Variants in CNGB1 observed in about 807,000 individuals in gnomAD.
The protein encoded by CNGB1 is cyclic nucleotide gated channel subunit beta 1.
In CNGB1, 126 loss-of-function variants were observed where a neutral mutation model predicts 151.7. The observed-to-expected ratio is 0.83, with a 90% CI of 0.72 to 0.96. The LOEUF is 0.96. Ranked by LOEUF, CNGB1 falls within the 40% of genes least tolerant of loss-of-function variation. CNGB1 has a pLI of 0.00. For missense variants in CNGB1, 1,698 were observed against 1,627.0 expected (o/e 1.04, Z -0.75); for synonymous variants, 623 against 635.1 (o/e 0.98, Z 0.29).
At chr16:57,949,535 C>T in intron 13 of CNGB1, 96 bp from the exon 14 acceptor site, 1 of 1,591,184 alleles carries the variant, frequency 6.3e-7, no homozygotes, top group Non-Finnish European at 8.5e-7. Flanking sequence ...CCCATGACAC[C>T]TGAGCCCAGA....
At chr16:57,950,357 T>C in intron 13 of CNGB1, 24 bp downstream of exon 13, 1 of 1,613,926 alleles carries the variant, frequency 6.2e-7, no homozygotes, top group South Asian at 1.1e-5. Context: ...AACTAATCTT[T>C]TAGGGTCTTC....
chr16:57,958,846 C>T (rs1245257949), intron 10 of CNGB1, among the ~76,000 whole-genome samples: 1 of 151,482 alleles, frequency 6.6e-6, no homozygotes, highest in Non-Finnish European at 1.5e-5. Flanking sequence ...GTGGCCCAGG[C>T]TGATGTGATC....
At chr16:57,885,175 C>T (rs1296354507) in intron 32 of CNGB1, among the ~76,000 whole-genome samples, 2 of 152,312 alleles carry the variant, frequency 1.3e-5, no homozygotes, top group South Asian at 2.1e-4. Flanking sequence ...CATCTCTGCA[C>T]GGAAGGAAAC....
At position 57,882,340 on chromosome 16, in the gene CNGB1, A is replaced by ATTTT. The variant is rs752713503; in HGVS notation, c.*1823_*1824insAAAA. On this transcript the variant is annotated 3_prime_UTR_variant, in exon 33 of 33. Coordinates refer to ENST00000251102, the MANE Select transcript of CNGB1 (RefSeq NM_001297.5). ...CATTTTTAAAGCTTTTTTTTTTAAA[A>ATTTT]AAAAAATAGGGTAAAATAATAAGGT... is the stretch of plus-strand genomic sequence containing the variant. The ATTTT allele has an allele frequency of 1.5e-5, 2 of 136,736 alleles. No homozygotes were observed. The highest frequency in any genetic ancestry group is 5.0e-5 in the African/African-American group (2 of 39,864). The allele number at this position is 136,736 out of a possible 1,614,324, so 8.5% of individuals were successfully genotyped here. A position where few individuals can be genotyped will look rare whatever the true frequency, so the allele number is the denominator to read the frequency against.
In CNGB1 at chr16:57,917,606, A is replaced by ATGTG. The variant is rs1159780540; in HGVS notation, c.1958-134_1958-131dup. The ATGTG allele has an allele frequency of 2.2e-3, 1,175 of 525,016 alleles. 20 individuals are homozygous for ATGTG. The African/African-American group carries it at 0.034, about 15-fold the overall frequency. The allele number at this position is 525,016 out of a possible 1,614,324, so 32.5% of individuals were successfully genotyped here. A position where few individuals can be genotyped will look rare whatever the true frequency, so the allele number is the denominator to read the frequency against. ...GTGGCACTTTTGTAAGAGTGTGTGT[A>ATGTG]TGTGTGTGTGTGTGTATATATACAC... On this transcript the variant is annotated intron_variant, in intron 20 of 32. Coordinates refer to ENST00000251102, the MANE Select transcript of CNGB1 (RefSeq NM_001297.5).
intron 14 of CNGB1, among the ~76,000 whole-genome samples, chr16:57,944,103 G>C (rs1158099583): frequency 6.6e-6 from 1 of 151,926 alleles, no homozygotes; most frequent in Non-Finnish European, 1.5e-5. Flanking sequence ...GGCCAGGCTG[G>C]TCTTGAACTC....
At chr16:57,966,099 G>T (rs531996286) in intron 2 of CNGB1, among the ~76,000 whole-genome samples, 1 of 152,080 alleles carries the variant, frequency 6.6e-6, no homozygotes, top group African/African-American at 2.4e-5. Flanking sequence ...CACCCTCTGC[G>T]TCTAAGAAGC....
chr16:57,890,443 T>G (rs866545548), intron 31 of CNGB1, among the ~76,000 whole-genome samples: 4 of 152,352 alleles, frequency 2.6e-5, no homozygotes, highest in Middle Eastern at 3.4e-3. Context: ...GAAAATGAAC[T>G]ATCTTTTTCT....
At chr16:57,890,106 T>G (rs1960046049) in intron 31 of CNGB1, among the ~76,000 whole-genome samples, 1 of 152,240 alleles carries the variant, frequency 6.6e-6, no homozygotes, top group South Asian at 2.1e-4. Context: ...GTGAGCAGTT[T>G]GTCTCAAGAA....
At chr16:57,896,054 A>G (rs1381543532) in intron 31 of CNGB1, among the ~76,000 whole-genome samples, 1 of 152,202 alleles carries the variant, frequency 6.6e-6, no homozygotes. Context: ...GAGTTACAAA[A>G]TTTCCATTTT....
At position 57,949,428 on chromosome 16, in the gene CNGB1, C is replaced by T. The variant is rs200052038; in HGVS notation, c.1046G>A (p.Arg349Gln). 2.3e-5 allele frequency: 37 copies of T among 1,613,580 alleles called. No individual in the cohort carries two copies. The highest frequency in any genetic ancestry group is 1.1e-4 in the East Asian group (5 of 44,884). Residue 349 changes from arginine to glutamine, a missense_variant, in exon 14 of 33, where the codon CGG (arginine) becomes CAG (glutamine). Transcript: ENST00000251102. ...AVEKMPRELS[R>Q]IEEEKEDEEE... ...CTCATCTTCTTTCTCCTCTTCAATC[C>T]GGGACAGCTCTCTGAGTTGGGGTTA...
At chr16:57,930,542 A>C in intron 17 of CNGB1, among the ~76,000 whole-genome samples, 1 of 86,138 alleles carries the variant, frequency 1.2e-5, no homozygotes, top group Non-Finnish European at 2.1e-5. Flanking sequence ...AAGAGAGGGG[A>C]GGGGAGAGAG....
chr16:57,914,230 T>A (rs1476732303), intron 23 of CNGB1, among the ~76,000 whole-genome samples: 1 of 152,172 alleles, frequency 6.6e-6, no homozygotes, highest in Non-Finnish European at 1.5e-5. Context: ...CCTCTGCGTC[T>A]GGGGTGAAAC....
rs2303781 is a variant in CNGB1, at chr16:57,931,938, C to T, written c.1373-60G>A. On this transcript the variant is annotated intron_variant, in intron 16 of 32. Transcript: ENST00000251102. ...GAGACAAAAGCTGGGTCCCAGGAGTCCAGCTGTGTTCTTGAAGAAAACCAG... is the reference window on the plus strand; with the variant it reads ...GAGACAAAAGCTGGGTCCCAGGAGTTCAGCTGTGTTCTTGAAGAAAACCAG... 4,650 of 1,581,406 alleles carry T rather than the reference C, an allele frequency of 2.9e-3. 71 individuals carry two copies. The East Asian group carries it at 0.032, about 11-fold the overall frequency.
Position 57,883,836 on chromosome 16 carries a change from C to T in CNGB1, c.*328G>A, listed in dbSNP as rs1399650285. 3 of 457,196 alleles carry T rather than the reference C, an allele frequency of 6.6e-6. No individual in the cohort carries two copies. The highest frequency in any genetic ancestry group is 1.2e-5 in the Non-Finnish European group (3 of 251,702). 28.3% of individuals were successfully genotyped at this position (457,196 alleles called of 1,614,324 possible). On this transcript the variant is annotated 3_prime_UTR_variant, in exon 33 of 33. Coordinates refer to ENST00000251102, the MANE Select transcript of CNGB1 (RefSeq NM_001297.5). ...CCCATGTATTGGAGCCTCATTTTAT[C>T]CCTCACCCATGAACTTTAAAAGTGG...
chr16:57,958,583 C>A, intron 10 of CNGB1, 98 bp from the exon 11 acceptor site: 1 of 1,107,358 alleles, frequency 9.0e-7, no homozygotes. Context: ...ACAAGCCTGC[C>A]AAAAGGCAGA....
chr16:57,924,155 G>A (rs934702114), intron 17 of CNGB1, among the ~76,000 whole-genome samples: 2 of 152,162 alleles, frequency 1.3e-5, no homozygotes, highest in African/African-American at 2.4e-5. Flanking sequence ...GGTGGAAGAG[G>A]TGATTTTGAC....
chr16:57,953,269 G>A (rs1359142791), intron 12 of CNGB1, among the ~76,000 whole-genome samples: 7 of 152,128 alleles, frequency 4.6e-5, no homozygotes, highest in African/African-American at 1.4e-4. Flanking sequence ...GGCCGAGGTC[G>A]GCAGATCATG....
At chr16:57,927,508 T>C (rs775747222) in intron 17 of CNGB1, among the ~76,000 whole-genome samples, 4 of 152,242 alleles carry the variant, frequency 2.6e-5, no homozygotes, top group African/African-American at 4.8e-5. Context: ...GTTCATTGTC[T>C]ATCTTGGCCC....
Sources: gnomAD v4.1 joint callset for allele counts (sites outside exome capture counted in the v4.1 genomes callset) on GRCh38, gnomAD v4.1.1 for gene constraint, MANE v1.5 for transcripts, NCBI Gene and HGNC (gene_info 2026-07-23, HGNC 2026-07-21) for gene names.